SORCS2: variants seen among roughly 807,000 people sequenced by gnomAD.
SORCS2 encodes VPS10 domain-containing receptor SorCS2.
In SORCS2, 100 loss-of-function variants were observed where a neutral mutation model predicts 141.6. The ratio of observed to expected loss-of-function variants is 0.71; its 90% confidence interval spans 0.60 to 0.83. SORCS2 has a LOEUF of 0.83. Among genes scored for constraint, SORCS2 ranks in the 40% least tolerant of loss-of-function variants. SORCS2 has a pLI of 0.00. For synonymous variants in SORCS2, 789 were observed against 676.9 expected (o/e 1.17, Z -2.57); for missense variants, 1,646 against 1,560.2 (o/e 1.05, Z -0.93).
chr4:7,545,940 G>A (rs1215030758), intron 3 of SORCS2, among the ~76,000 whole-genome samples: 1 of 152,202 alleles, frequency 6.6e-6, no homozygotes, highest in Non-Finnish European at 1.5e-5. Context: ...GTTCTGGTGA[G>A]GGCTGTCTTC....
At chr4:7,693,488 G>A (rs1196320720) in intron 11 of SORCS2, among the ~76,000 whole-genome samples, 1 of 152,238 alleles carries the variant, frequency 6.6e-6, no homozygotes. Context: ...CTGCTCCTCA[G>A]ATGCTGTGGG....
chr4:7,470,131 A>G (rs1729876519), intron 2 of SORCS2, among the ~76,000 whole-genome samples: 1 of 152,122 alleles, frequency 6.6e-6, no homozygotes, highest in South Asian at 2.1e-4. Context: ...TGAACTGTCC[A>G]GGGTCAAACA....
At chr4:7,334,513 G>A (rs1031061028) in intron 1 of SORCS2, among the ~76,000 whole-genome samples, 1 of 152,172 alleles carries the variant, frequency 6.6e-6, no homozygotes, top group African/African-American at 2.4e-5. Flanking sequence ...CCTGACACCT[G>A]GGGGGTGCTC....
intron 2 of SORCS2, among the ~76,000 whole-genome samples, chr4:7,400,003 C>A (rs376589902): frequency 7.9e-5 from 12 of 152,304 alleles, no homozygotes; most frequent in African/African-American, 2.6e-4. Flanking sequence ...GCATTTCTAA[C>A]AAGCTCCCGA....
intron 1 of SORCS2, among the ~76,000 whole-genome samples, chr4:7,367,804 A>C (rs538937068): frequency 2.0e-5 from 3 of 152,354 alleles, no homozygotes; most frequent in African/African-American, 7.2e-5. Context: ...GAGACAACTT[A>C]AAAGGAATGT....
chr4:7,311,128 T>C (rs1718156063), intron 1 of SORCS2, among the ~76,000 whole-genome samples: 1 of 152,114 alleles, frequency 6.6e-6, no homozygotes, highest in Admixed American at 6.5e-5. Context: ...CACTGTCTCC[T>C]TCCCGCCACT....
intron 3 of SORCS2, among the ~76,000 whole-genome samples, chr4:7,562,371 G>A (rs1714657401): frequency 6.6e-6 from 1 of 152,112 alleles, no homozygotes; most frequent in Non-Finnish European, 1.5e-5. Context: ...AGCATGGCAA[G>A]AGTGGTGGCT....
chr4:7,395,719 T>G (rs13103153), intron 1 of SORCS2, among the ~76,000 whole-genome samples: 27,796 of 152,034 alleles, frequency 0.18, 2,838 homozygotes, highest in Non-Finnish European at 0.23. Flanking sequence ...AAGAAAAACG[T>G]GTGTGCGCCA....
intron 1 of SORCS2, among the ~76,000 whole-genome samples, chr4:7,305,021 A>T (rs1212069547): frequency 7.1e-6 from 1 of 141,212 alleles, no homozygotes; most frequent in Non-Finnish European, 1.5e-5. Flanking sequence ...TCAGGCCGAC[A>T]TTCTGGCTCT....
In SORCS2 at chr4:7,741,016, G is replaced by A. The variant is rs970966181; in HGVS notation, c.*752G>A. On this transcript the variant is annotated 3_prime_UTR_variant, in exon 27 of 27. Coordinates refer to ENST00000507866, the MANE Select transcript of SORCS2 (RefSeq NM_020777.3). ...CTCCCCAGGGCAGACGGGGTAGGGCGGGCTCAGGACCCAGTGCCCATGGTT... is the reference window on the plus strand; with the variant it reads ...CTCCCCAGGGCAGACGGGGTAGGGCAGGCTCAGGACCCAGTGCCCATGGTT... 13 of 398,700 alleles carry A rather than the reference G, an allele frequency of 3.3e-5. No homozygotes were observed. Among genetic ancestry groups the A allele is most frequent in the East Asian group, 1.4e-4 (4 of 28,052 alleles). 24.7% of individuals were successfully genotyped at this position (398,700 alleles called of 1,614,324 possible). A position where few individuals can be genotyped will look rare whatever the true frequency, so the allele number is the denominator to read the frequency against.
At chr4:7,443,562 A>C (rs565323375) in intron 2 of SORCS2, among the ~76,000 whole-genome samples, 1 of 152,026 alleles carries the variant, frequency 6.6e-6, no homozygotes, top group African/African-American at 2.4e-5. Context: ...AGTGGCCCCA[A>C]CTCCAGACAT....
At chr4:7,266,813 A>G (rs1327610990) in intron 1 of SORCS2, among the ~76,000 whole-genome samples, 1 of 152,186 alleles carries the variant, frequency 6.6e-6, no homozygotes, top group Non-Finnish European at 1.5e-5. Flanking sequence ...TGGCTCCAGC[A>G]TTGCTGTGCT....
chr4:7,602,318 AG>A (rs1378900859), intron 3 of SORCS2, among the ~76,000 whole-genome samples: 2 of 149,486 alleles, frequency 1.3e-5, no homozygotes, highest in Non-Finnish European at 3.0e-5. Flanking sequence ...CACCTCCTGG[AG>A]GGGGCGGCTG....
At chr4:7,249,339 TC>T (rs1356432413) in intron 1 of SORCS2, among the ~76,000 whole-genome samples, 1 of 151,972 alleles carries the variant, frequency 6.6e-6, no homozygotes, top group African/African-American at 2.4e-5. Flanking sequence ...AGCATGGTGG[TC>T]CCAAGAGTGA....
intron 1 of SORCS2, among the ~76,000 whole-genome samples, chr4:7,388,722 C>T (rs1723654340): frequency 6.6e-6 from 1 of 152,150 alleles, no homozygotes; most frequent in Admixed American, 6.5e-5. Context: ...TGACCTCTCC[C>T]GCTTGTGAAC....
At chr4:7,410,949 C>CTTT (rs5855962) in intron 2 of SORCS2, among the ~76,000 whole-genome samples, 9,197 of 73,770 alleles carry the variant, frequency 0.12, 1,078 homozygotes, top group Non-Finnish European at 0.16. Flanking sequence ...TCTCTCCATC[C>CTTT]TTTTTTTTTT....
At chr4:7,314,500 C>G (rs558562006) in intron 1 of SORCS2, among the ~76,000 whole-genome samples, 5 of 151,980 alleles carry the variant, frequency 3.3e-5, no homozygotes, top group Non-Finnish European at 7.4e-5. Context: ...CCACCACGCC[C>G]GGCTACATTT....
chr4:7,685,552 T>C (rs1723819746), intron 10 of SORCS2, among the ~76,000 whole-genome samples: 1 of 152,106 alleles, frequency 6.6e-6, no homozygotes, highest in African/African-American at 2.4e-5. Context: ...ATGCCTATAA[T>C]CCCACCTACT....
intron 1 of SORCS2, among the ~76,000 whole-genome samples, chr4:7,333,063 T>C (rs1251189327): frequency 6.6e-6 from 1 of 152,174 alleles, no homozygotes. Context: ...AGTGTGTAGC[T>C]TGTTGGCTGT....
Sources: gnomAD v4.1 joint callset for allele counts (sites outside exome capture counted in the v4.1 genomes callset) on GRCh38, gnomAD v4.1.1 for gene constraint, MANE v1.5 for transcripts, NCBI Gene and HGNC (gene_info 2026-07-23, HGNC 2026-07-21) for gene names.